Variants in SEL1L2 observed in about 807,000 individuals in gnomAD.
SEL1L2 encodes the protein protein sel-1 homolog 2.
Under a neutral mutation model 98.8 loss-of-function variants are expected in SEL1L2, and 89 were observed. The observed-to-expected ratio is 0.90, with a 90% confidence interval of 0.76 to 1.07. SEL1L2 has a LOEUF of 1.07. Ranked by LOEUF, SEL1L2 falls within the 50% of genes least tolerant of loss-of-function variation. SEL1L2 has a pLI of 0.00. For synonymous variants in SEL1L2, 262 were observed against 278.5 expected, an observed-to-expected ratio of 0.94 and a Z score of 0.59; for missense variants, 788 against 812.0, an observed-to-expected ratio of 0.97 and a Z score of 0.36.
intron 5 of SEL1L2, among the ~76,000 whole-genome samples, chr20:13,909,246 A>G (rs1443873885): frequency 6.6e-6 from 1 of 152,210 alleles, no homozygotes; most frequent in African/African-American, 2.4e-5. Flanking sequence ...CGGCCCAAGA[A>G]GAAAGGTGGT....
chr20:13,878,261 AG>A (rs1268983543), intron 10 of SEL1L2, among the ~76,000 whole-genome samples: 2 of 151,792 alleles, frequency 1.3e-5, no homozygotes, highest in African/African-American at 4.8e-5. Context: ...GAAACCATGT[AG>A]AGCAATAAAA....
intron 1 of SEL1L2, among the ~76,000 whole-genome samples, chr20:13,961,283 T>G (rs954848813): frequency 6.6e-6 from 1 of 152,176 alleles, no homozygotes; most frequent in Non-Finnish European, 1.5e-5. Context: ...TCCATTTTTT[T>G]AAAAAACAAA....
intron 5 of SEL1L2, among the ~76,000 whole-genome samples, chr20:13,891,707 C>G (rs181893323): frequency 6.7e-6 from 1 of 148,454 alleles, no homozygotes; most frequent in African/African-American, 2.5e-5. Flanking sequence ...AGCTGTCCAC[C>G]AAAAACACTA....
At position 13,974,045 on chromosome 20, in the gene SEL1L2, T is replaced by C. The variant is rs909065514; in HGVS notation, c.58+16432A>G. The stretch of plus-strand genomic sequence containing the variant: ...AAGGTCTCTTATTATACTTCTCACC[T>C]TGGACGGGTCTAGAGTATTGGATTC... On this transcript the variant is annotated intron_variant, in intron 1 of 19. Transcript: ENST00000284951. Among the ~76,000 whole-genome samples, 4 of 152,312 alleles carry C rather than the reference T, an allele frequency of 2.6e-5. No homozygotes were observed. In the East Asian group the frequency reaches 7.7e-4, roughly 29 times the overall value.
chr20:13,975,420 C>T (rs1052044991), intron 1 of SEL1L2, among the ~76,000 whole-genome samples: 6 of 152,238 alleles, frequency 3.9e-5, no homozygotes, highest in East Asian at 3.9e-4. Flanking sequence ...GAGGAAAATA[C>T]GCAGCACAGT....
At chr20:13,955,976 A>C (rs1043422990) in intron 2 of SEL1L2, 100 bp downstream of exon 2, 3 of 693,384 alleles carry the variant, frequency 4.3e-6, no homozygotes, top group Non-Finnish European at 7.6e-6. Flanking sequence ...AATTAAAAAA[A>C]AAAGAGACAA....
intron 2 of SEL1L2, among the ~76,000 whole-genome samples, chr20:13,935,542 T>G (rs957842681): frequency 1.3e-5 from 2 of 152,154 alleles, no homozygotes; most frequent in African/African-American, 4.8e-5. Flanking sequence ...AAGGGAGTTC[T>G]GACAGAGGCA....
chr20:13,862,037 C>G (rs1357180733), intron 17 of SEL1L2, among the ~76,000 whole-genome samples: 2 of 152,200 alleles, frequency 1.3e-5, no homozygotes, highest in East Asian at 3.8e-4. Flanking sequence ...TTTATTTTCT[C>G]TCTTCCATAT....
intron 5 of SEL1L2, among the ~76,000 whole-genome samples, chr20:13,909,934 G>A (rs2048142961): frequency 6.6e-6 from 1 of 152,118 alleles, no homozygotes; most frequent in Admixed American, 6.6e-5. Flanking sequence ...TCACTCCACT[G>A]CACTCCAGCC....
intron 2 of SEL1L2, 86 bp from the exon 3 acceptor site, chr20:13,931,857 C>A: frequency 8.6e-7 from 1 of 1,161,914 alleles, no homozygotes; most frequent in Middle Eastern, 2.6e-4. Flanking sequence ...TTCATATATT[C>A]ATGGCAAAAA....
intron 2 of SEL1L2, among the ~76,000 whole-genome samples, chr20:13,938,066 T>G (rs2148353760): frequency 6.6e-6 from 1 of 150,486 alleles, no homozygotes; most frequent in South Asian, 2.1e-4. Flanking sequence ...AGAAAACCGT[T>G]TTTTCTTTTT....
chr20:13,924,669 C>A (rs563569558), intron 3 of SEL1L2, among the ~76,000 whole-genome samples: 1 of 152,240 alleles, frequency 6.6e-6, no homozygotes, highest in South Asian at 2.1e-4. Flanking sequence ...AAGTGATCCT[C>A]CCACCTTGGC....
chr20:13,980,901 T>C (rs554642132), intron 1 of SEL1L2, among the ~76,000 whole-genome samples: 19 of 152,288 alleles, frequency 1.2e-4, no homozygotes, highest in African/African-American at 4.3e-4. Flanking sequence ...AAGAAATACT[T>C]CCTGATCTCA....
intron 2 of SEL1L2, among the ~76,000 whole-genome samples, chr20:13,955,307 G>A (rs1370602377): frequency 6.6e-6 from 1 of 152,102 alleles, no homozygotes; most frequent in South Asian, 2.1e-4. Flanking sequence ...ATTTTAGAGA[G>A]TGATTGTAAA....
chr20:13,892,215 C>G (rs768635599), intron 5 of SEL1L2, among the ~76,000 whole-genome samples: 18 of 151,886 alleles, frequency 1.2e-4, no homozygotes, highest in African/African-American at 4.4e-4. Flanking sequence ...TTTGGGAGGC[C>G]GAGGTGAATG....
chr20:13,925,674 T>C (rs1439071102), intron 3 of SEL1L2, among the ~76,000 whole-genome samples: 1 of 152,226 alleles, frequency 6.6e-6, no homozygotes, highest in Non-Finnish European at 1.5e-5. Flanking sequence ...TTATCAGCTC[T>C]GACTACAACT....
At chr20:13,858,242 A>G (rs1989475818) in intron 18 of SEL1L2, among the ~76,000 whole-genome samples, 1 of 152,154 alleles carries the variant, frequency 6.6e-6, no homozygotes, top group Non-Finnish European at 1.5e-5. Context: ...AATTACTAGC[A>G]CAACCGGAAG....
At chr20:13,853,964 T>G (rs542523324) in intron 18 of SEL1L2, among the ~76,000 whole-genome samples, 5 of 152,386 alleles carry the variant, frequency 3.3e-5, no homozygotes, top group Non-Finnish European at 7.3e-5. Flanking sequence ...GATAGATGTT[T>G]ATTTCATGAA....
At chr20:13,881,255 G>T (rs6042409) in intron 10 of SEL1L2, among the ~76,000 whole-genome samples, 11,657 of 152,172 alleles carry the variant, frequency 0.077, 483 homozygotes, top group African/African-American at 0.094. Context: ...CTCATGATCT[G>T]CCCGCCTCAG....
Sources: allele counts gnomAD v4.1 joint callset (sites outside exome capture counted in the v4.1 genomes callset), GRCh38; gene constraint gnomAD v4.1.1; transcripts MANE v1.5; gene names NCBI Gene and HGNC (gene_info 2026-07-23, HGNC 2026-07-21).